RAD51B: variants seen among roughly 807,000 people sequenced by gnomAD.
RAD51B encodes the protein RAD51 paralog B.
A neutral mutation model predicts 42.2 loss-of-function variants in RAD51B; 38 were observed. The observed-to-expected ratio is 0.90, with a 90% CI of 0.70 to 1.18. The LOEUF (loss-of-function observed/expected upper bound fraction) is 1.18, where lower values mean the gene tolerates loss of function less well. Among genes scored for constraint, RAD51B ranks in the 50% most tolerant of loss-of-function variants. The probability of loss-of-function intolerance (pLI) is 0.00; values close to 1 mark genes in which losing one functional copy is unlikely to be tolerated. For synonymous variants in RAD51B, 154 were observed against 145.2 expected (o/e 1.06, Z -0.43); for missense variants, 373 against 400.7 (o/e 0.93, Z 0.59).
chr14:68,567,281 CAG>C (rs1889470710), intron 10 of RAD51B, among the ~76,000 whole-genome samples: 1 of 151,414 alleles, frequency 6.6e-6, no homozygotes, highest in South Asian at 2.1e-4. Flanking sequence ...GCCTGGGTGA[CAG>C]AGTAAGACTC....
rs140276338 is a variant in RAD51B, at chr14:68,117,107, A to G, written c.757-174777A>G. Among the ~76,000 whole-genome samples, 39 of 152,346 alleles carry G rather than the reference A, an allele frequency of 2.6e-4. No individual in the cohort carries two copies. In the East Asian group the frequency reaches 6.9e-3, roughly 27 times the overall value. On this transcript the variant is annotated intron_variant, in intron 7 of 10. Transcript: ENST00000471583. Reference sequence around the variant, plus strand: ...AACATTTATTCTGTGACTTGCGCCTATATCATAGAGCGTGCTCCTGCATTA... The same window carrying G: ...AACATTTATTCTGTGACTTGCGCCTGTATCATAGAGCGTGCTCCTGCATTA...
chr14:68,310,007 A>G (rs1200188524), intron 8 of RAD51B, among the ~76,000 whole-genome samples: 1 of 152,272 alleles, frequency 6.6e-6, no homozygotes, highest in Non-Finnish European at 1.5e-5. Context: ...ACAGAAGATT[A>G]TAAGGTATTA....
intron 8 of RAD51B, among the ~76,000 whole-genome samples, chr14:68,387,764 A>G (rs1466663237): frequency 6.6e-6 from 1 of 152,118 alleles, no homozygotes; most frequent in Admixed American, 6.5e-5. Context: ...TCTTACACAC[A>G]CACTCTACCA....
intron 8 of RAD51B, among the ~76,000 whole-genome samples, chr14:68,338,081 C>T (rs558297592): frequency 9.7e-4 from 147 of 152,212 alleles, no homozygotes; most frequent in Non-Finnish European, 1.6e-3. Context: ...CATGAGCCAC[C>T]GTGCCAGGCC....
intron 11 of RAD51B, among the ~76,000 whole-genome samples, chr14:68,653,993 C>T (rs1459963545): frequency 6.6e-6 from 1 of 152,222 alleles, no homozygotes; most frequent in Non-Finnish European, 1.5e-5. Context: ...GACTGGGATG[C>T]TTGCACTTGA....
chr14:68,650,826 T>G (rs745788807), exon 11 of RAD51B: 1 of 760,750 alleles, frequency 1.3e-6, no homozygotes, highest in Non-Finnish European at 2.4e-6. Context: ...CAGAACAGAC[T>G]AAAAGAAAAT....
intron 9 of RAD51B, chr14:68,421,671 G>A: frequency 1.3e-6 from 2 of 1,529,494 alleles, no homozygotes; most frequent in Non-Finnish European, 1.8e-6. Context: ...GAATGGTCTG[G>A]TGGTTAAGAT....
chr14:68,669,632 A>G (rs1415618162), intron 11 of RAD51B, among the ~76,000 whole-genome samples: 1 of 53,890 alleles, frequency 1.9e-5, no homozygotes, highest in Non-Finnish European at 6.2e-5. Flanking sequence ...CCACTTACAC[A>G]CACACACACA....
chr14:68,420,600 T>G (rs2084674074), intron 9 of RAD51B, among the ~76,000 whole-genome samples: 2 of 152,088 alleles, frequency 1.3e-5, no homozygotes, highest in Admixed American at 1.3e-4. Flanking sequence ...TTGGTGGGAG[T>G]GTCTTTTAAC....
intron 10 of RAD51B, among the ~76,000 whole-genome samples, chr14:68,551,868 A>G (rs1445228653): frequency 6.6e-6 from 1 of 152,224 alleles, no homozygotes; most frequent in Non-Finnish European, 1.5e-5. Context: ...TAGGTAATAA[A>G]TGACAGAGCT....
At chr14:67,992,970 G>A (rs931530018) in intron 7 of RAD51B, among the ~76,000 whole-genome samples, 1 of 152,080 alleles carries the variant, frequency 6.6e-6, no homozygotes, top group Admixed American at 6.5e-5. Context: ...AGTGCTGGTC[G>A]CTCTGCTAGG....
intron 10 of RAD51B, chr14:68,594,470 T>C (rs150685522): frequency 5.3e-5 from 72 of 1,364,066 alleles, no homozygotes; most frequent in African/African-American, 4.0e-4. Flanking sequence ...TTCCTTTTTT[T>C]TCTCTCTCTC....
chr14:68,138,499 TA>T (rs992830223), intron 7 of RAD51B, among the ~76,000 whole-genome samples: 4 of 151,752 alleles, frequency 2.6e-5, no homozygotes, highest in Admixed American at 6.6e-5. Flanking sequence ...AAAAGAAACT[TA>T]AAAAAAAATT....
At chr14:68,006,493 G>A (rs1489759545) in intron 7 of RAD51B, among the ~76,000 whole-genome samples, 2 of 151,754 alleles carry the variant, frequency 1.3e-5, no homozygotes, top group South Asian at 2.1e-4. Context: ...AGTTGCTATC[G>A]CTTTAAATAT....
At chr14:68,138,693 C>T (rs1331011841) in intron 7 of RAD51B, among the ~76,000 whole-genome samples, 1 of 152,036 alleles carries the variant, frequency 6.6e-6, no homozygotes, top group Non-Finnish European at 1.5e-5. Flanking sequence ...TCCTAATTGG[C>T]CCAATCTTTT....
chr14:67,855,026 A>G (rs2041942087), intron 4 of RAD51B, among the ~76,000 whole-genome samples: 1 of 152,182 alleles, frequency 6.6e-6, no homozygotes, highest in South Asian at 2.1e-4. Context: ...AGTTCAACAC[A>G]GAGAGATGTA....
chr14:68,311,730 T>C (rs1016176933), intron 8 of RAD51B, among the ~76,000 whole-genome samples: 3 of 151,954 alleles, frequency 2.0e-5, no homozygotes, highest in Non-Finnish European at 4.4e-5. Context: ...CTACTAAAAA[T>C]ACAAAAATTA....
At chr14:68,287,393 G>A (rs1014993943) in intron 7 of RAD51B, among the ~76,000 whole-genome samples, 9 of 152,206 alleles carry the variant, frequency 5.9e-5, no homozygotes, top group Non-Finnish European at 1.3e-4. Context: ...GTTGAGTTGA[G>A]ACAGAAGTTA....
At chr14:67,900,996 C>T (rs2043593702) in intron 7 of RAD51B, among the ~76,000 whole-genome samples, 1 of 152,118 alleles carries the variant, frequency 6.6e-6, no homozygotes, top group African/African-American at 2.4e-5. Flanking sequence ...CTTGCAGCCA[C>T]TGGAGAGTAA....
Sources: allele counts gnomAD v4.1 joint callset (sites outside exome capture counted in the v4.1 genomes callset), GRCh38; gene constraint gnomAD v4.1.1; transcripts MANE v1.5; gene names NCBI Gene and HGNC (gene_info 2026-07-23, HGNC 2026-07-21).